Variants in TAOK1 observed in about 807,000 individuals in gnomAD.
TAOK1 encodes the protein serine/threonine-protein kinase TAO1.
Under a neutral mutation model 138.3 loss-of-function variants are expected in TAOK1, and 21 were observed. That is an observed-to-expected ratio of 0.15 (90% confidence interval 0.11 to 0.22). The LOEUF (loss-of-function observed/expected upper bound fraction) is 0.22. Ranked by LOEUF, TAOK1 falls within the 10% of genes least tolerant of loss-of-function variation. TAOK1 has a pLI of 1.00. For synonymous variants in TAOK1, 361 were observed against 398.4 expected, an observed-to-expected ratio of 0.91 and a Z score of 1.12; for missense variants, 651 against 1,227.7, an observed-to-expected ratio of 0.53 and a Z score of 7.02.
Position 29,396,380 on chromosome 17 carries a change from A to G in TAOK1, c.-95+5356A>G, listed in dbSNP as rs140453580. Among the ~76,000 whole-genome samples, 51 of 152,304 alleles carry G rather than the reference A, an allele frequency of 3.3e-4. 1 individual carries two copies. In the East Asian group the frequency reaches 9.8e-3, roughly 29 times the overall value. ...TACCTGGCATGTAAATAAAGTAAGT[A>G]AAAGTATAAATTATTAAGTGCCTTG... On this transcript the variant is annotated intron_variant, in intron 1 of 19. Transcript: ENST00000261716.
At chr17:29,482,317 T>A in intron 8 of TAOK1, 29 bp downstream of exon 8, 2 of 1,533,352 alleles carry the variant, frequency 1.3e-6, no homozygotes, top group Non-Finnish European at 1.8e-6. Context: ...TACTATGGAT[T>A]AAGTTTTGAT....
intron 4 of TAOK1, 45 bp downstream of exon 4, chr17:29,475,816 T>C (rs775314561): frequency 1.4e-6 from 2 of 1,453,420 alleles, no homozygotes; most frequent in Admixed American, 3.4e-5. Flanking sequence ...CTGATTTTGG[T>C]TTATAATGAA....
intron 1 of TAOK1, among the ~76,000 whole-genome samples, chr17:29,421,119 A>G (rs2153021774): frequency 6.6e-6 from 1 of 151,928 alleles, no homozygotes; most frequent in African/African-American, 2.4e-5. Context: ...TTGTAGAGAC[A>G]GGTTTTCCCC....
chr17:29,530,304 C>T, intron 17 of TAOK1, 103 bp from the exon 18 acceptor site: 1 of 1,049,662 alleles, frequency 9.5e-7, no homozygotes, highest in Non-Finnish European at 1.4e-6. Context: ...TGGCTTTCCT[C>T]TCATTTTTTT....
chr17:29,476,907 G>T (rs1227138948), intron 4 of TAOK1, among the ~76,000 whole-genome samples: 1 of 151,854 alleles, frequency 6.6e-6, no homozygotes, highest in Non-Finnish European at 1.5e-5. Flanking sequence ...GTTCAGTGGC[G>T]CAATCACGGC....
chr17:29,485,064 G>A (rs1257516736), intron 8 of TAOK1, among the ~76,000 whole-genome samples: 1 of 152,132 alleles, frequency 6.6e-6, no homozygotes, highest in Non-Finnish European at 1.5e-5. Context: ...AAACATAGTT[G>A]TGAATAGATA....
At chr17:29,500,084 C>T (rs1032934973) in intron 12 of TAOK1, among the ~76,000 whole-genome samples, 1 of 152,062 alleles carries the variant, frequency 6.6e-6, no homozygotes, top group African/African-American at 2.4e-5. Context: ...GAAGCTGAGG[C>T]GGGCAGATTG....
chr17:29,392,860 T>C (rs558721762), intron 1 of TAOK1, among the ~76,000 whole-genome samples: 1 of 152,294 alleles, frequency 6.6e-6, no homozygotes, highest in Admixed American at 6.5e-5. Flanking sequence ...TTTTGGTGTG[T>C]TTGTTGCATT....
chr17:29,397,598 G>GCC (rs1904653701), intron 1 of TAOK1, among the ~76,000 whole-genome samples: 1 of 54,726 alleles, frequency 1.8e-5, no homozygotes, highest in African/African-American at 1.7e-4. Context: ...GTGAGATTCC[G>GCC]TCCCCCCCCA....
intron 1 of TAOK1, among the ~76,000 whole-genome samples, chr17:29,421,949 G>A (rs1905457280): frequency 6.6e-6 from 1 of 152,226 alleles, no homozygotes; most frequent in Admixed American, 6.6e-5. Flanking sequence ...CCAGGCTGGA[G>A]TGCAGTGGCA....
chr17:29,391,729 T>G (rs1470406047), intron 1 of TAOK1, among the ~76,000 whole-genome samples: 1 of 152,190 alleles, frequency 6.6e-6, no homozygotes. Context: ...TGTTCTGGTG[T>G]TATTGTTGGG....
At chr17:29,454,023 C>A (rs1355526695) in intron 2 of TAOK1, among the ~76,000 whole-genome samples, 1 of 151,018 alleles carries the variant, frequency 6.6e-6, no homozygotes, top group Admixed American at 6.6e-5. Context: ...GCTATGTTGC[C>A]CAGGCTGGTG....
chr17:29,479,156 A>AC (rs979069589), intron 6 of TAOK1, among the ~76,000 whole-genome samples: 2 of 152,080 alleles, frequency 1.3e-5, no homozygotes, highest in African/African-American at 4.8e-5. Context: ...AAAAAAAAAA[A>AC]AAAACAGAAG....
intron 2 of TAOK1, among the ~76,000 whole-genome samples, chr17:29,457,014 T>C (rs1419124969): frequency 6.7e-6 from 1 of 149,834 alleles, no homozygotes; most frequent in Non-Finnish European, 1.5e-5. Flanking sequence ...ATTACAGGCG[T>C]GAGCCACAGC....
intron 1 of TAOK1, among the ~76,000 whole-genome samples, chr17:29,418,314 G>A (rs891564709): frequency 3.3e-5 from 5 of 152,160 alleles, no homozygotes; most frequent in African/African-American, 1.2e-4. Flanking sequence ...CTCCTTAGTA[G>A]CTAGGACTGC....
At chr17:29,397,800 C>CATGTATGT (rs1221854840) in intron 1 of TAOK1, among the ~76,000 whole-genome samples, 4 of 145,628 alleles carry the variant, frequency 2.7e-5, no homozygotes, top group African/African-American at 1.0e-4. Flanking sequence ...TATGTATATT[C>CATGTATGT]ATGTATGTAT....
In TAOK1 at chr17:29,544,154, T is replaced by G. The variant is rs2032365503; in HGVS notation, c.*1132T>G. 6.6e-6 allele frequency: 1 copy of G among 152,622 alleles called. No homozygotes were observed. Among genetic ancestry groups the G allele is most frequent in the African/African-American group, 2.4e-5 (1 of 41,448 alleles). 9.5% of individuals were successfully genotyped at this position (152,622 alleles called of 1,614,324 possible). A position where few individuals can be genotyped will look rare whatever the true frequency, so the allele number is the denominator to read the frequency against. On this transcript the variant is annotated 3_prime_UTR_variant, in exon 20 of 20. Coordinates refer to ENST00000261716, the MANE Select transcript of TAOK1 (RefSeq NM_020791.4). ...ACACTACATAGACATAATTGTTATC[T>G]CCTTTTGGCTTATGTGATTTTCTGT...
chr17:29,536,558 C>T (rs2042455010), intron 19 of TAOK1, among the ~76,000 whole-genome samples: 1 of 150,936 alleles, frequency 6.6e-6, no homozygotes, highest in Non-Finnish European at 1.5e-5. Flanking sequence ...CAAGATCACG[C>T]CACTGCACTC....
At chr17:29,475,230 T>C (rs6505137) in intron 3 of TAOK1, among the ~76,000 whole-genome samples, 122,392 of 152,168 alleles carry the variant, frequency 0.8, 50,041 homozygotes, top group East Asian at 0.99. Context: ...TGAGCCACTG[T>C]ACCTGGCTGA....
Sources: allele counts gnomAD v4.1 joint callset (sites outside exome capture counted in the v4.1 genomes callset), GRCh38; gene constraint gnomAD v4.1.1; transcripts MANE v1.5; gene names NCBI Gene and HGNC (gene_info 2026-07-23, HGNC 2026-07-21).